Variants in FER1L6 observed in about 807,000 individuals in gnomAD.
FER1L6 encodes fer-1 like family member 6, also known as fer-1-like protein 6.
In FER1L6, 177 loss-of-function variants were observed where a neutral mutation model predicts 219.2. That is an observed-to-expected ratio of 0.81 (90% confidence interval 0.71 to 0.91). FER1L6 has a LOEUF of 0.91. Among genes scored for constraint, FER1L6 ranks in the 40% least tolerant of loss-of-function variants. The pLI is 0.00. For synonymous variants in FER1L6, 768 were observed against 824.3 expected (o/e 0.93, Z 1.17); for missense variants, 2,153 against 2,259.9 (o/e 0.95, Z 0.96).
At chr8:124,105,766 G>A (rs1822744271) in intron 39 of FER1L6, among the ~76,000 whole-genome samples, 1 of 152,124 alleles carries the variant, frequency 6.6e-6, no homozygotes. Context: ...TCCATCAGCT[G>A]ATGAGTCCAT....
intron 2 of FER1L6, among the ~76,000 whole-genome samples, chr8:123,958,896 G>A (rs758591069): frequency 6.6e-6 from 1 of 151,612 alleles, no homozygotes; most frequent in African/African-American, 2.4e-5. Flanking sequence ...GCAGCAGAGA[G>A]CTTGTGAGAT....
Position 123,953,283 on chromosome 8 carries a change from C to T in FER1L6, c.-7-2709C>T, listed in dbSNP as rs147251058. Among the ~76,000 whole-genome samples, 195 of 152,278 alleles carry T rather than the reference C, an allele frequency of 1.3e-3. 1 individual carries two copies. In the South Asian group the frequency reaches 0.018, roughly 14 times the overall value. On this transcript the variant is annotated intron_variant, in intron 1 of 40. Transcript: ENST00000522917. ...AACATCAGCCCACCCAAGAGGGCCGCGCTGGTTGTAAATCCTTCGGGCATT... is the reference window on the plus strand; with the variant it reads ...AACATCAGCCCACCCAAGAGGGCCGTGCTGGTTGTAAATCCTTCGGGCATT...
chr8:124,032,162 T>C (rs933786562), intron 18 of FER1L6, among the ~76,000 whole-genome samples: 1 of 152,208 alleles, frequency 6.6e-6, no homozygotes, highest in African/African-American at 2.4e-5. Flanking sequence ...TGGTGGCTCA[T>C]GCCTATAATC....
chr8:124,015,239 CTT>C (rs1174202480), intron 15 of FER1L6, among the ~76,000 whole-genome samples: 1 of 152,076 alleles, frequency 6.6e-6, no homozygotes, highest in Non-Finnish European at 1.5e-5. Context: ...CCCAGCCCAC[CTT>C]CAAAGGGAGG....
At chr8:124,041,297 A>G (rs936372624) in intron 20 of FER1L6, among the ~76,000 whole-genome samples, 5 of 152,240 alleles carry the variant, frequency 3.3e-5, no homozygotes, top group Non-Finnish European at 7.3e-5. Flanking sequence ...AGAAGCAGAT[A>G]TTTAAGTTTA....
intron 26 of FER1L6, 79 bp downstream of exon 26, chr8:124,064,652 T>C (rs1321209126): frequency 1.5e-6 from 2 of 1,320,480 alleles, no homozygotes; most frequent in African/African-American, 1.5e-5. Context: ...TGAAGTTGCT[T>C]GCAGTGTGAC....
intron 33 of FER1L6, among the ~76,000 whole-genome samples, chr8:124,088,750 A>G (rs550715637): frequency 3.4e-4 from 52 of 152,018 alleles, no homozygotes; most frequent in South Asian, 1.0e-3. Flanking sequence ...TCTTCCCCTC[A>G]AGGCATCACG....
At chr8:123,932,442 G>T (rs1813808684) in intron 1 of FER1L6, among the ~76,000 whole-genome samples, 1 of 152,118 alleles carries the variant, frequency 6.6e-6, no homozygotes, top group African/African-American at 2.4e-5. Flanking sequence ...TTCTTTTAAG[G>T]CATGTGTTAC....
chr8:123,892,658 A>G lies in FER1L6; in HGVS notation c.-8+40473A>G, dbSNP rs1024458460. The stretch of plus-strand genomic sequence containing the variant: ...GTTTGGGAAACCGAGTCTCCTCCCT[A>G]TCAAATGGTAAATGTTTTTGTATTG... On this transcript the variant is annotated intron_variant, in intron 1 of 40. Transcript: ENST00000522917. 2.6e-5 allele frequency among the ~76,000 whole-genome samples: 4 copies of G among 152,160 alleles called. No individual in the cohort carries two copies. The South Asian group carries it at 8.3e-4, about 31-fold the overall frequency.
intron 20 of FER1L6, among the ~76,000 whole-genome samples, chr8:124,044,719 T>G (rs770763279): frequency 4.6e-5 from 7 of 152,252 alleles, no homozygotes; most frequent in Non-Finnish European, 5.9e-5. Flanking sequence ...GTCTCCTGCA[T>G]TAATGGAATA....
intron 1 of FER1L6, among the ~76,000 whole-genome samples, chr8:123,915,047 T>TG (rs1813144693): frequency 6.6e-6 from 1 of 152,014 alleles, no homozygotes; most frequent in Admixed American, 6.6e-5. Flanking sequence ...TTTTTTTTTT[T>TG]TCTTTTTCCT....
intron 1 of FER1L6, among the ~76,000 whole-genome samples, chr8:123,870,967 G>A (rs1210786759): frequency 1.3e-5 from 2 of 152,172 alleles, no homozygotes; most frequent in Non-Finnish European, 2.9e-5. Context: ...GGTTGATAAA[G>A]TTGTTTCCCA....
chr8:123,970,107 G>A lies in FER1L6; in HGVS notation c.447+10G>A, dbSNP rs1401312702. 9 of 1,612,814 alleles carry A rather than the reference G, an allele frequency of 5.6e-6. No homozygotes were observed. In the South Asian group the frequency reaches 6.6e-5, roughly 12 times the overall value. On this transcript the variant is annotated intron_variant, in intron 6 of 40. Coordinates refer to ENST00000522917, the MANE Select transcript of FER1L6 (RefSeq NM_001039112.2). ...GATCATCAAAATCTCCGTAAGTATA[G>A]CATTGGTGGTAATAGTTGTGGAGAG...
chr8:124,050,057 A>G (rs1363708619), intron 22 of FER1L6, among the ~76,000 whole-genome samples: 1 of 152,226 alleles, frequency 6.6e-6, no homozygotes, highest in Non-Finnish European at 1.5e-5. Context: ...CAGGTCATGA[A>G]AGGATACAAA....
intron 18 of FER1L6, among the ~76,000 whole-genome samples, chr8:124,030,327 C>T (rs939516399): frequency 6.6e-6 from 1 of 152,104 alleles, no homozygotes; most frequent in African/African-American, 2.4e-5. Flanking sequence ...GAAGGTTTTG[C>T]GGTCCCGGGT....
chr8:123,969,592 G>C (rs1291066626), intron 5 of FER1L6, among the ~76,000 whole-genome samples: 1 of 152,070 alleles, frequency 6.6e-6, no homozygotes. Flanking sequence ...CATTTCTCAT[G>C]TTCATTTTGG....
intron 1 of FER1L6, among the ~76,000 whole-genome samples, chr8:123,903,585 G>A (rs1037976485): frequency 5.9e-5 from 9 of 152,104 alleles, no homozygotes; most frequent in East Asian, 1.9e-4. Flanking sequence ...GCATGTTTAC[G>A]TAAAATTAAA....
intron 1 of FER1L6, among the ~76,000 whole-genome samples, chr8:123,929,218 G>T (rs949324719): frequency 6.6e-6 from 1 of 152,198 alleles, no homozygotes; most frequent in African/African-American, 2.4e-5. Flanking sequence ...GTTTTATTGA[G>T]TGGCTACTCT....
rs1563663308 is a variant in FER1L6 at position 123,855,964 on chromosome 8, G to GATATACATATGTATATGAGATATATGT, written c.-8+3846_-8+3872dup. Among the ~76,000 whole-genome samples the GATATACATATGTATATGAGATATATGT allele has an allele frequency of 2.4e-3, 339 of 140,162 alleles. 4 individuals are homozygous for GATATACATATGTATATGAGATATATGT. The highest frequency in any genetic ancestry group is 4.7e-3 in the Middle Eastern group (1 of 212). The allele number at this position is 140,162 out of a possible 152,430, so 92.0% of individuals were successfully genotyped here. ...TAACTAATGTAGTATATATATTACA[G>GATATACATATGTATATGAGATATATGT]ATATACATATGTATATGAGATATAT... is the stretch of plus-strand genomic sequence containing the variant. On this transcript the variant is annotated intron_variant, in intron 1 of 40. Coordinates refer to ENST00000522917, the MANE Select transcript of FER1L6 (RefSeq NM_001039112.2).
Sources: gnomAD v4.1 joint callset for allele counts (sites outside exome capture counted in the v4.1 genomes callset) on GRCh38, gnomAD v4.1.1 for gene constraint, MANE v1.5 for transcripts, NCBI Gene and HGNC (gene_info 2026-07-23, HGNC 2026-07-21) for gene names.